Variants in UTRN observed in about 807,000 individuals in gnomAD.
UTRN encodes the protein dystrophin-related protein 1.
UTRN carries 283 observed loss-of-function variants against 463.9 expected under a neutral mutation model. The ratio of observed to expected loss-of-function variants is 0.61; its 90% CI spans 0.55 to 0.67. The LOEUF (loss-of-function observed/expected upper bound fraction) is 0.67. Among genes scored for constraint, UTRN ranks in the 30% least tolerant of loss-of-function variants. UTRN has a pLI of 0.00. For missense variants in UTRN, 3,922 were observed against 4,084.3 expected (o/e 0.96, Z 1.08); for synonymous variants, 1,442 against 1,431.5 (o/e 1.01, Z -0.17).
In UTRN at chr6:144,444,306, T is replaced by C; in HGVS notation, c.1538T>C (p.Val513Ala). The C allele has an allele frequency of 4.3e-6, 7 of 1,611,880 alleles. No homozygotes were observed. Among genetic ancestry groups the C allele is most frequent in the Non-Finnish European group, 5.9e-6 (7 of 1,178,718 alleles). The change falls in exon 14 of 75, where the codon GTA becomes GCA. Residue 513 changes from valine (V) to alanine (A), a missense_variant. Transcript: ENST00000367545. Reference sequence around the variant, plus strand: ...AAACTTGGTGAGCGCTGGACAGCAGTATGCCGTTGGACTGAAGAACGCTGG... The same window carrying C: ...AAACTTGGTGAGCGCTGGACAGCAGCATGCCGTTGGACTGAAGAACGCTGG... ...LQKLGERWTAVCRWTEERWNR... is the reference protein window; with the variant it reads ...LQKLGERWTAACRWTEERWNR...
chr6:144,669,357 T>C (rs1228581576), intron 51 of UTRN, among the ~76,000 whole-genome samples: 1 of 152,192 alleles, frequency 6.6e-6, no homozygotes, highest in Non-Finnish European at 1.5e-5. Context: ...ATTTTTGTAG[T>C]CCTATTGTGT....
chr6:144,511,887 A>G lies in UTRN; in HGVS notation c.4944+764A>G, dbSNP rs548347431. ...GCTGAGGAAGGCATTGTCATTTATA[A>G]TTTTTTTTAATTCTGAAATACCTGA... is the stretch of plus-strand genomic sequence containing the variant. On this transcript the variant is annotated intron_variant, in intron 35 of 74. Transcript: ENST00000367545. 2.6e-5 allele frequency among the ~76,000 whole-genome samples: 4 copies of G among 152,086 alleles called. No individual in the cohort carries two copies. In the East Asian group the frequency reaches 7.7e-4, roughly 29 times the overall value.
chr6:144,574,415 A>G (rs1455070766), intron 50 of UTRN, among the ~76,000 whole-genome samples: 1 of 152,104 alleles, frequency 6.6e-6, no homozygotes, highest in East Asian at 1.9e-4. Flanking sequence ...TAGTTTGCTT[A>G]TATTTATTGT....
At chr6:144,596,558 T>G (rs1803664474) in intron 51 of UTRN, among the ~76,000 whole-genome samples, 1 of 152,174 alleles carries the variant, frequency 6.6e-6, no homozygotes. Flanking sequence ...ACTACCAAAG[T>G]GTATTTTATA....
rs543743764 is a variant in UTRN, at chr6:144,450,353, C to T, written c.2073-1017C>T. Among the ~76,000 whole-genome samples, 3 of 152,248 alleles carry T rather than the reference C, an allele frequency of 2.0e-5. No homozygotes were observed. The East Asian group carries it at 5.8e-4, about 29-fold the overall frequency. Reference sequence around the variant, plus strand: ...GTCAATTGTCCCTCCCTTGTGAGTTCAGTACTCATTATTCCAGACACGCCT... The same window carrying T: ...GTCAATTGTCCCTCCCTTGTGAGTTTAGTACTCATTATTCCAGACACGCCT... On this transcript the variant is annotated intron_variant, in intron 17 of 74. Coordinates refer to ENST00000367545, the MANE Select transcript of UTRN (RefSeq NM_007124.3).
At chr6:144,578,014 C>A (rs1209474325) in intron 51 of UTRN, among the ~76,000 whole-genome samples, 2 of 152,066 alleles carry the variant, frequency 1.3e-5, no homozygotes, top group Admixed American at 1.3e-4. Flanking sequence ...ACCAGCCTGG[C>A]CAACATGGTG....
At chr6:144,312,164 G>C (rs1286900693) in intron 2 of UTRN, 1 of 152,332 alleles carries the variant, frequency 6.6e-6, no homozygotes, top group African/African-American at 2.4e-5. Flanking sequence ...GGTGGCTCAT[G>C]CCTGTAATCC....
chr6:144,778,594 T>C (rs1235633173), intron 60 of UTRN, among the ~76,000 whole-genome samples: 1 of 150,480 alleles, frequency 6.6e-6, no homozygotes, highest in African/African-American at 2.5e-5. Context: ...GAAGAGAAGA[T>C]AGGGGAAATG....
rs1433185221 is a variant in UTRN at position 144,789,179 on chromosome 6, T to A, written c.8835-15T>A. 1.9e-6 allele frequency: 3 copies of A among 1,603,956 alleles called. No homozygotes were observed. In the East Asian group the frequency reaches 6.7e-5, roughly 36 times the overall value. On this transcript the variant is annotated splice_polypyrimidine_tract_variant and intron_variant, in intron 61 of 74. Transcript: ENST00000367545. ...TTTAAATGCATCTAACACATTAACA[T>A]TCTTATAATTTTAGGGGTCGAACTG... is the stretch of plus-strand genomic sequence containing the variant.
chr6:144,340,283 T>A (rs1358387996), intron 2 of UTRN, among the ~76,000 whole-genome samples: 1 of 152,226 alleles, frequency 6.6e-6, no homozygotes, highest in Non-Finnish European at 1.5e-5. Context: ...GCTCTAGTTC[T>A]TGTTGGTAGC....
At chr6:144,634,371 T>G (rs1336051141) in intron 51 of UTRN, among the ~76,000 whole-genome samples, 1 of 152,170 alleles carries the variant, frequency 6.6e-6, no homozygotes, top group Non-Finnish European at 1.5e-5. Flanking sequence ...CCATCCCTGG[T>G]TAGCGTTGCC....
intron 51 of UTRN, among the ~76,000 whole-genome samples, chr6:144,582,085 T>A (rs1455506133): frequency 6.6e-6 from 1 of 152,204 alleles, no homozygotes; most frequent in Non-Finnish European, 1.5e-5. Flanking sequence ...AACACAGTTC[T>A]ATAAGACCCA....
intron 65 of UTRN, 146 bp downstream of exon 65, chr6:144,803,293 G>C: frequency 2.2e-6 from 1 of 444,600 alleles, no homozygotes; most frequent in Non-Finnish European, 3.7e-6. Flanking sequence ...ACTCATTTAT[G>C]TTGAATTAAT....
chr6:144,817,422 TA>T (rs1472738139), intron 65 of UTRN, among the ~76,000 whole-genome samples: 3 of 151,864 alleles, frequency 2.0e-5, no homozygotes, highest in Admixed American at 1.3e-4. Context: ...GTTATTTCCT[TA>T]AAAAAAAGAA....
In UTRN at chr6:144,754,797, T is replaced by C. The variant is rs1175079099; in HGVS notation, c.8433T>C (p.Ser2811=). The part of the protein sequence containing the change: ...DFGPSSQHFL[S]TSVQLPWQRS... ...GACCATCCTCTCAGCATTTTCTCTC[T>C]AGTAAGTACTAATAAACTGGACTGA... Residue 2811 remains serine (S), a splice_region_variant and synonymous_variant, in exon 57 of 75, where the codon TCT becomes TCC. Transcript: ENST00000367545. 6.2e-7 allele frequency: 1 copy of C among 1,613,128 alleles called. No homozygotes were observed. Among genetic ancestry groups the C allele is most frequent in the African/African-American group, 1.3e-5 (1 of 74,896 alleles).
chr6:144,486,046 C>G (rs748010451), intron 28 of UTRN, among the ~76,000 whole-genome samples: 1 of 152,186 alleles, frequency 6.6e-6, no homozygotes, highest in Non-Finnish European at 1.5e-5. Context: ...TTCCTCAGTT[C>G]CCAGCACAGT....
intron 51 of UTRN, among the ~76,000 whole-genome samples, chr6:144,642,901 C>T (rs764240435): frequency 4.0e-5 from 6 of 151,372 alleles, no homozygotes; most frequent in Non-Finnish European, 8.9e-5. Context: ...TGACCATGAG[C>T]CTAATTTAAT....
At position 144,488,760 on chromosome 6, in the gene UTRN, G is replaced by A; in HGVS notation, c.4060G>A (p.Gly1354Arg). The change falls in exon 30 of 75, where the codon GGG (glycine) becomes AGG (arginine). Residue 1354 changes from glycine to arginine, a missense_variant. By Grantham distance (125) the Gly-to-Arg change is moderately radical. This residue lies in a region of UTRN where 2,349 missense variants were observed against 2,303.8 expected (regional missense o/e 1.02). Transcript: ENST00000367545. Reference protein sequence around the residue: ...QMLQVLQESLGELDKQLTTYL... With the variant: ...QMLQVLQESLRELDKQLTTYL... ...GCTTCAAGTCTTGCAAGAGAGCTTG[G>A]GGGAGCTGGACAAACAGCTCACCAC... 1.2e-6 allele frequency: 2 copies of A among 1,613,080 alleles called. No homozygotes were observed. Among genetic ancestry groups the A allele is most frequent in the African/African-American group, 1.3e-5 (1 of 74,990 alleles).
intron 61 of UTRN, among the ~76,000 whole-genome samples, chr6:144,784,856 A>G (rs1257238825): frequency 6.6e-6 from 1 of 152,232 alleles, no homozygotes; most frequent in Non-Finnish European, 1.5e-5. Context: ...AAGGAAAAAA[A>G]TCTTTCAGGA....
Sources: gnomAD v4.1 joint callset for allele counts (sites outside exome capture counted in the v4.1 genomes callset) on GRCh38, gnomAD v4.1.1 for gene constraint, gnomAD v4.1.1 regional missense constraint, MANE v1.5 for transcripts, NCBI Gene and HGNC (gene_info 2026-07-23, HGNC 2026-07-21) for gene names.